Variants in ST8SIA2 observed in about 807,000 individuals in gnomAD.
The protein encoded by ST8SIA2 is alpha-2,8-sialyltransferase 8B.
In ST8SIA2, 22 loss-of-function variants were observed where a neutral mutation model predicts 37.6. The observed-to-expected ratio is 0.58, with a 90% CI of 0.42 to 0.83. The LOEUF is 0.83. Among genes scored for constraint, ST8SIA2 ranks in the 40% least tolerant of loss-of-function variants. The pLI, the probability that ST8SIA2 is intolerant of heterozygous loss-of-function variation, is 0.00. For synonymous variants in ST8SIA2, 205 were observed against 201.2 expected, an observed-to-expected ratio of 1.02 and a Z score of -0.16; for missense variants, 382 against 484.7, an observed-to-expected ratio of 0.79 and a Z score of 1.99.
intron 5 of ST8SIA2, among the ~76,000 whole-genome samples, chr15:92,449,436 G>A (rs762605053): frequency 5.3e-5 from 8 of 152,166 alleles, no homozygotes; most frequent in Non-Finnish European, 1.2e-4. Flanking sequence ...TTGATTCCAT[G>A]TCCTTGCTAT....
intron 3 of ST8SIA2, 64 bp downstream of exon 3, chr15:92,434,439 T>C: frequency 6.2e-7 from 1 of 1,610,836 alleles, no homozygotes; most frequent in South Asian, 1.1e-5. Context: ...GGCAAATTGC[T>C]TCTCTTCGTC....
At chr15:92,432,521 A>G (rs188287982) in intron 2 of ST8SIA2, among the ~76,000 whole-genome samples, 4 of 152,304 alleles carry the variant, frequency 2.6e-5, no homozygotes, top group South Asian at 2.1e-4. Context: ...AAGTAAAGCT[A>G]TCGACCCACA....
chr15:92,431,759 A>G (rs2049717566), intron 2 of ST8SIA2, among the ~76,000 whole-genome samples: 1 of 152,148 alleles, frequency 6.6e-6, no homozygotes, highest in Non-Finnish European at 1.5e-5. Flanking sequence ...CATCCCCTTT[A>G]TTTTACAGAT....
At chr15:92,422,631 A>G (rs1201862840) in intron 1 of ST8SIA2, 4 of 152,680 alleles carry the variant, frequency 2.6e-5, no homozygotes, top group Non-Finnish European at 4.4e-5. Context: ...TGCATTGCCA[A>G]ACTCATGGTG....
At chr15:92,455,469 C>T (rs1459344397) in intron 5 of ST8SIA2, among the ~76,000 whole-genome samples, 2 of 152,186 alleles carry the variant, frequency 1.3e-5, no homozygotes, top group South Asian at 2.1e-4. Flanking sequence ...TGTCCTCCTC[C>T]ACAGAAGCAA....
chr15:92,464,540 G>C lies in ST8SIA2; in HGVS notation c.*155G>C. 1.3e-6 allele frequency: 1 copy of C among 753,496 alleles called. No individual in the cohort carries two copies. Among genetic ancestry groups the C allele is most frequent in the Non-Finnish European group, 2.2e-6 (1 of 447,552 alleles). 46.7% of individuals were successfully genotyped at this position (753,496 alleles called of 1,614,324 possible). On this transcript the variant is annotated 3_prime_UTR_variant, in exon 6 of 6. Coordinates refer to ENST00000268164, the MANE Select transcript of ST8SIA2 (RefSeq NM_006011.4). ...GACCAGAATATATATATCTATACCT[G>C]CATATATATATTGACCTGAGTATTT...
intron 5 of ST8SIA2, among the ~76,000 whole-genome samples, chr15:92,451,927 G>T (rs2049885085): frequency 1.3e-5 from 2 of 152,162 alleles, no homozygotes; most frequent in Admixed American, 1.3e-4. Context: ...AGAGAATCAT[G>T]TCAGGAAGGC....
At chr15:92,448,846 G>C (rs1428941740) in intron 5 of ST8SIA2, among the ~76,000 whole-genome samples, 2 of 152,068 alleles carry the variant, frequency 1.3e-5, no homozygotes, top group East Asian at 3.9e-4. Flanking sequence ...TCTTCACCTT[G>C]AAGTCCCAAT....
intron 1 of ST8SIA2, among the ~76,000 whole-genome samples, chr15:92,398,489 C>G (rs564550000): frequency 6.6e-6 from 1 of 152,362 alleles, no homozygotes; most frequent in African/African-American, 2.4e-5. Context: ...TGAGTGCTTC[C>G]TAAGAGCTAA....
intron 1 of ST8SIA2, among the ~76,000 whole-genome samples, chr15:92,402,803 A>G (rs12593000): frequency 0.13 from 19,496 of 152,124 alleles, 1,783 homozygotes; most frequent in African/African-American, 0.25. Context: ...ACGGAGTCTC[A>G]TCAGAATGGC....
chr15:92,434,205 A>G (rs370453488), intron 2 of ST8SIA2, 42 bp from the exon 3 acceptor site: 6 of 1,612,576 alleles, frequency 3.7e-6, no homozygotes, highest in Non-Finnish European at 5.1e-6. Context: ...TCGGCTTGCT[A>G]ACACATCATG....
At chr15:92,424,649 T>C (rs977674642) in intron 1 of ST8SIA2, among the ~76,000 whole-genome samples, 6 of 151,808 alleles carry the variant, frequency 4.0e-5, no homozygotes, top group African/African-American at 7.3e-5. Flanking sequence ...AGTCTTGCTC[T>C]GTCACCCAGG....
At chr15:92,453,158 T>C (rs2049895258) in intron 5 of ST8SIA2, among the ~76,000 whole-genome samples, 1 of 152,120 alleles carries the variant, frequency 6.6e-6, no homozygotes, top group Admixed American at 6.5e-5. Context: ...GCATCAGTGA[T>C]CTCTACTATC....
At chr15:92,420,858 G>A (rs2049628450) in intron 1 of ST8SIA2, 2 of 152,238 alleles carry the variant, frequency 1.3e-5, no homozygotes, top group South Asian at 4.1e-4. Flanking sequence ...GTATCTATGA[G>A]GTTCAAGAGC....
intron 2 of ST8SIA2, among the ~76,000 whole-genome samples, chr15:92,432,839 A>C (rs928574949): frequency 2.6e-5 from 4 of 152,306 alleles, no homozygotes; most frequent in Non-Finnish European, 4.4e-5. Flanking sequence ...TACCTGCAAA[A>C]GTCAAACTAG....
At chr15:92,445,146 G>A (rs952942196) in intron 5 of ST8SIA2, 27 of 664,896 alleles carry the variant, frequency 4.1e-5, no homozygotes, top group Non-Finnish European at 6.8e-5. Context: ...TGACCAATGG[G>A]TAGTGCCTGC....
chr15:92,439,426 T>C (rs1471757398), intron 4 of ST8SIA2, among the ~76,000 whole-genome samples: 1 of 152,162 alleles, frequency 6.6e-6, no homozygotes, highest in African/African-American at 2.4e-5. Context: ...ACTACAGTCA[T>C]GGAAACAAGG....
At chr15:92,445,921 T>G (rs1001358881) in intron 5 of ST8SIA2, among the ~76,000 whole-genome samples, 1 of 151,958 alleles carries the variant, frequency 6.6e-6, no homozygotes, top group Non-Finnish European at 1.5e-5. Context: ...TCCCTGGCAC[T>G]TGGATCAGTA....
chr15:92,404,016 C>T (rs1264388284), intron 1 of ST8SIA2, among the ~76,000 whole-genome samples: 1 of 152,172 alleles, frequency 6.6e-6, no homozygotes, highest in African/African-American at 2.4e-5. Context: ...GGTAGTAAAG[C>T]CAGTTAAGGC....
Sources: allele counts gnomAD v4.1 joint callset (sites outside exome capture counted in the v4.1 genomes callset), GRCh38; gene constraint gnomAD v4.1.1; transcripts MANE v1.5; gene names NCBI Gene and HGNC (gene_info 2026-07-23, HGNC 2026-07-21).